The following ZFP28 variants were observed in gnomAD, a reference collection of about 807,000 sequenced individuals.
The protein encoded by ZFP28 is ZFP28 zinc finger protein.
In ZFP28, 31 loss-of-function variants were observed where a neutral mutation model predicts 39.5. The observed-to-expected ratio is 0.79, with a 90% CI of 0.59 to 1.06. ZFP28 has a LOEUF of 1.06. Ranked by LOEUF, ZFP28 falls within the 50% of genes least tolerant of loss-of-function variation. The pLI, the probability that ZFP28 is intolerant of heterozygous loss-of-function variation, is 0.00. For synonymous variants in ZFP28, 400 were observed against 378.6 expected (o/e 1.06, Z -0.66); for missense variants, 925 against 1,048.4 (o/e 0.88, Z 1.63).
intron 5 of ZFP28, 60 bp from the exon 6 acceptor site, chr19:56,550,007 T>G: frequency 1.4e-6 from 2 of 1,420,118 alleles, no homozygotes; most frequent in Non-Finnish European, 1.9e-6. Flanking sequence ...TCCATCCCAC[T>G]GAGACCAGGT....
rs777390881 is a variant in ZFP28, at chr19:56,553,969, G to A, written c.1184G>A (p.Arg395His). ...LDDSEEKVHN[R>H]DSIKNFQKSS... ...GATTCAGAAGAGAAAGTTCATAATCGTGATTCAATTAAAAATTTTCAAAAA... is the reference window on the plus strand; with the variant it reads ...GATTCAGAAGAGAAAGTTCATAATCATGATTCAATTAAAAATTTTCAAAAA... The change falls in exon 8 of 8, where the codon CGT becomes CAT. Residue 395 changes from arginine to histidine, a missense_variant. Arg to His is a conservative substitution (Grantham distance 29, BLOSUM62 0). Around this residue, in one of 2 missense-constraint regions of ZFP28, gnomAD observed 556 missense variants for 542.9 expected, o/e 1.02. Coordinates refer to ENST00000301318, the MANE Select transcript of ZFP28 (RefSeq NM_020828.2). The A allele has an allele frequency of 6.8e-6, 11 of 1,611,496 alleles. No individual in the cohort carries two copies. The highest frequency in any genetic ancestry group is 2.2e-5 in the East Asian group (1 of 44,878).
At position 56,547,932 on chromosome 19, in the gene ZFP28, G is replaced by C; in HGVS notation, c.523+30G>C. ...GTGTGGGAGAACCAGGTAGGGTGAG[G>C]CCACTGCTGGTCATAGTTCAGCTGA... On this transcript the variant is annotated intron_variant, in intron 4 of 7. Transcript: ENST00000301318. The surrounding 1 kb of genome is among the most constrained non-coding windows in gnomAD (Gnocchi z 4.6). 1 of 1,609,384 alleles carries C rather than the reference G, an allele frequency of 6.2e-7. No homozygotes were observed. The highest frequency in any genetic ancestry group is 8.5e-7 in the Non-Finnish European group (1 of 1,176,078).
intron 7 of ZFP28, chr19:56,552,443 T>C (rs1190928084): frequency 6.6e-6 from 1 of 152,180 alleles, no homozygotes; most frequent in Non-Finnish European, 1.5e-5. Flanking sequence ...CTACTTACGA[T>C]GTTGAGAATA....
upstream of ZFP28, chr19:56,538,931 C>G (rs2044164406): frequency 1.8e-6 from 2 of 1,135,150 alleles, no homozygotes; most frequent in African/African-American, 1.7e-5. Context: ...GCGCGCGGGG[C>G]TGTTCGCTGG....
chr19:56,543,200 CTTCATA>C (rs1222915731), intron 2 of ZFP28, among the ~76,000 whole-genome samples: 4 of 151,384 alleles, frequency 2.6e-5, no homozygotes, highest in African/African-American at 4.8e-5. Flanking sequence ...CTATAAAGTA[CTTCATA>C]TTCATTCTTT....
rs754216371 is a variant in ZFP28, at chr19:56,554,388, T to G, written c.1603T>G (p.Cys535Gly). Residue 535 changes from cysteine (C) to glycine (G), a missense_variant, in exon 8 of 8, where the codon TGT becomes GGT. By Grantham distance (159) the Cys-to-Gly change is radical. Coordinates refer to ENST00000301318, the MANE Select transcript of ZFP28 (RefSeq NM_020828.2). The surrounding 1 kb of genome is among the most constrained non-coding windows in gnomAD (Gnocchi z 6.7). ...TCATACTGGAGAGAAACCTTACAAA[T>G]GTGATGTATGTCACAAATCCTTCAG... ...RIHTGEKPYK[C>G]DVCHKSFRYG... is the part of the protein sequence containing the mutation. 6.2e-7 allele frequency: 1 copy of G among 1,614,170 alleles called. No homozygotes were observed. Among genetic ancestry groups the G allele is most frequent in the Non-Finnish European group, 8.5e-7 (1 of 1,180,038 alleles).
At chr19:56,553,299 C>T (rs1230519234) in intron 7 of ZFP28, among the ~76,000 whole-genome samples, 1 of 151,950 alleles carries the variant, frequency 6.6e-6, no homozygotes, top group Non-Finnish European at 1.5e-5. Flanking sequence ...TAGTTTACTG[C>T]CACATCAACC....
rs776131427 is a variant in ZFP28, at chr19:56,554,168, A to G, written c.1383A>G (p.Ser461=). 1.2e-6 allele frequency: 2 copies of G among 1,614,196 alleles called. No homozygotes were observed. Among genetic ancestry groups the G allele is most frequent in the Non-Finnish European group, 1.7e-6 (2 of 1,180,038 alleles). The change falls in exon 8 of 8, where the codon TCA becomes TCG. Residue 461 remains serine (S), a synonymous_variant. Transcript: ENST00000301318. The surrounding 1 kb of genome is among the most constrained non-coding windows in gnomAD (Gnocchi z 6.7). ...GTGGGAAGGCCTTTAGTGACGGCTC[A>G]TCCTTTGCCCGACACCAGAGATGTC... The part of the protein sequence containing the change: ...NECGKAFSDG[S]SFARHQRCHT...
chr19:56,537,305 C>T (rs901110299), upstream of ZFP28, among the ~76,000 whole-genome samples: 9 of 149,938 alleles, frequency 6.0e-5, no homozygotes, highest in African/African-American at 2.2e-4. Context: ...CTGTTGACAT[C>T]CTGTGTCATA....
chr19:56,553,450 CAA>C (rs1340422425), intron 7 of ZFP28, among the ~76,000 whole-genome samples: 1 of 152,094 alleles, frequency 6.6e-6, no homozygotes, highest in Non-Finnish European at 1.5e-5. Context: ...GTCCTGGCCT[CAA>C]GTGATCCGCC....
intron 2 of ZFP28, among the ~76,000 whole-genome samples, chr19:56,541,171 G>A (rs971004854): frequency 2.0e-4 from 30 of 152,150 alleles, no homozygotes; most frequent in African/African-American, 6.3e-4. Flanking sequence ...GAAGTCCTGA[G>A]AGTCTCCCAT....
Position 56,550,155 on chromosome 19 carries a change from A to G in ZFP28, c.776A>G (p.Glu259Gly). ...AATTTCTGTAAGAATGGGATATGGGAGAACAACAGTGACCTGGGATCAGCA... is the reference window on the plus strand; with the variant it reads ...AATTTCTGTAAGAATGGGATATGGGGGAACAACAGTGACCTGGGATCAGCA... ...QKNFCKNGIWENNSDLGSAGH... is the reference protein window; with the variant it reads ...QKNFCKNGIWGNNSDLGSAGH... Residue 259 changes from glutamate (E) to glycine (G), a missense_variant, in exon 6 of 8, where the codon GAG becomes GGG. Around this residue, in one of 2 missense-constraint regions of ZFP28, gnomAD observed 556 missense variants for 542.9 expected, o/e 1.02. Transcript: ENST00000301318. 6.2e-7 allele frequency: 1 copy of G among 1,612,490 alleles called. No homozygotes were observed. Among genetic ancestry groups the G allele is most frequent in the East Asian group, 2.2e-5 (1 of 44,860 alleles).
Position 56,550,081 on chromosome 19 carries a change from C to T in ZFP28, c.702C>T (p.Ile234=), listed in dbSNP as rs147562974. ...TACCATTGCAGGGCTTGGTGACTAT[C>T]AAAAACCTGGCTGTTGACTTCCGCC... ...LFETQPGLVT[I]KNLAVDFRQQ... is the part of the protein sequence containing the mutation. The change falls in exon 6 of 8, where the codon ATC becomes ATT. Residue 234 remains isoleucine, a synonymous_variant. Transcript: ENST00000301318. 20 of 1,611,446 alleles carry T rather than the reference C, an allele frequency of 1.2e-5. No individual in the cohort carries two copies. The highest frequency in any genetic ancestry group is 1.4e-5 in the Non-Finnish European group (17 of 1,179,010).
rs560616572 is a variant in ZFP28 at position 56,549,880 on chromosome 19, T to C, written c.688-187T>C. Among the ~76,000 whole-genome samples the C allele has an allele frequency of 1.1e-4, 16 of 152,350 alleles. No individual in the cohort carries two copies. The East Asian group carries it at 1.2e-3, about 11-fold the overall frequency. On this transcript the variant is annotated intron_variant, in intron 5 of 7. Transcript: ENST00000301318. ...TAGCAGAAAGTTTCTCCTATTTTTC[T>C]GTGTTTTTCCCCAAACATGTATGCT... is the stretch of plus-strand genomic sequence containing the variant.
At chr19:56,538,727 T>G (rs1230777171), upstream of ZFP28, among the ~76,000 whole-genome samples, 1 of 145,806 alleles carries the variant, frequency 6.9e-6, no homozygotes, top group Admixed American at 6.8e-5. Context: ...CGGCGCTGCC[T>G]GCGCACTGGA....
chr19:56,550,579 G>A lies in ZFP28; in HGVS notation c.872G>A (p.Arg291Gln), dbSNP rs778731671. 44 of 1,614,148 alleles carry A rather than the reference G, an allele frequency of 2.7e-5. No individual in the cohort carries two copies. The Middle Eastern group carries it at 6.6e-4, about 24-fold the overall frequency. Residue 291 changes from arginine to glutamine, a missense_variant, in exon 7 of 8, where the codon CGA becomes CAA. Physicochemically the swap from Arg to Gln is conservative, Grantham distance 43 (BLOSUM62 1). This residue lies in a region of ZFP28 where 556 missense variants were observed against 542.9 expected (regional missense o/e 1.02). Coordinates refer to ENST00000301318, the MANE Select transcript of ZFP28 (RefSeq NM_020828.2). ...EQEKEPWMVKRELTGSLFSGQ... is the reference protein window; with the variant it reads ...EQEKEPWMVKQELTGSLFSGQ... The stretch of plus-strand genomic sequence containing the variant: ...GAGAAGGAGCCCTGGATGGTGAAGC[G>A]AGAGCTGACAGGAAGCCTGTTCTCA...
In ZFP28 at chr19:56,554,537, T is replaced by C. The variant is rs994782723; in HGVS notation, c.1752T>C (p.Ser584=). The C allele has an allele frequency of 6.2e-7, 1 of 1,614,102 alleles. No individual in the cohort carries two copies. The highest frequency in any genetic ancestry group is 8.5e-7 in the Non-Finnish European group (1 of 1,180,042). Residue 584 remains serine, a synonymous_variant, in exon 8 of 8, where the codon TCT becomes TCC. Transcript: ENST00000301318. This position sits in a 1 kb window ranked among gnomAD's most constrained non-coding sequence, Gnocchi z 6.7. ...TCACTCAACATCAAAGAGTACATTC[T>C]GGAGAAAAGCCTTTTAAGTGTAAAG... The part of the protein sequence containing the change: ...ASLTQHQRVH[S]GEKPFKCKEC...
chr19:56,553,084 TTTTA>T (rs1461433145), intron 7 of ZFP28: 1 of 152,232 alleles, frequency 6.6e-6, no homozygotes, highest in Non-Finnish European at 1.5e-5. Flanking sequence ...TATATACAAT[TTTTA>T]TTTGTCAACT....
chr19:56,550,947 AT>A, intron 7 of ZFP28: 1 of 1,399,692 alleles, frequency 7.1e-7, no homozygotes, highest in African/African-American at 1.4e-5. Flanking sequence ...TGTTTTCATC[AT>A]GCATCCATTC....
Sources: gnomAD v4.1 joint callset for allele counts (sites outside exome capture counted in the v4.1 genomes callset) on GRCh38, gnomAD v4.1.1 for gene constraint, gnomAD v4.1.1 regional missense constraint, Gnocchi (gnomAD v3.1) non-coding constraint, MANE v1.5 for transcripts, NCBI Gene and HGNC (gene_info 2026-07-23, HGNC 2026-07-21) for gene names.